ST8SIA2: variants seen among roughly 807,000 people sequenced by gnomAD.
ST8SIA2 encodes alpha-2,8-sialyltransferase 8B.
ST8SIA2 carries 22 observed loss-of-function variants against 37.6 expected under a neutral mutation model. That is an observed-to-expected ratio of 0.58 (90% CI 0.42 to 0.83). The LOEUF (loss-of-function observed/expected upper bound fraction) is 0.83. Among genes scored for constraint, ST8SIA2 ranks in the 40% least tolerant of loss-of-function variants. The pLI is 0.00. For synonymous variants in ST8SIA2, 205 were observed against 201.2 expected, an observed-to-expected ratio of 1.02 and a Z score of -0.16; for missense variants, 382 against 484.7, an observed-to-expected ratio of 0.79 and a Z score of 1.99.
chr15:92,445,985 T>C (rs1213388085), intron 5 of ST8SIA2, among the ~76,000 whole-genome samples: 1 of 152,160 alleles, frequency 6.6e-6, no homozygotes, highest in Admixed American at 6.5e-5. Flanking sequence ...AAAAATAGTT[T>C]AATATTAATC....
intron 5 of ST8SIA2, among the ~76,000 whole-genome samples, chr15:92,446,850 A>G (rs2049846329): frequency 2.6e-5 from 4 of 152,136 alleles, no homozygotes. Flanking sequence ...TTCAACCAAG[A>G]GACAAATGTG....
rs143851870 is a variant in ST8SIA2 at position 92,443,421 on chromosome 15, G to A, written c.549-1215G>A. 5.3e-4 allele frequency among the ~76,000 whole-genome samples: 80 copies of A among 152,320 alleles called. No individual in the cohort carries two copies. In the East Asian group the frequency reaches 0.014, roughly 28 times the overall value. On this transcript the variant is annotated intron_variant, in intron 4 of 5. Transcript: ENST00000268164. ...TTAAATAGCAGAGGCTGCTCACCCAGGCAGCCTGATTGTCAGCATGAGTTT... is the reference window on the plus strand; with the variant it reads ...TTAAATAGCAGAGGCTGCTCACCCAAGCAGCCTGATTGTCAGCATGAGTTT...
At chr15:92,450,757 T>C (rs1391224341) in intron 5 of ST8SIA2, among the ~76,000 whole-genome samples, 1 of 152,184 alleles carries the variant, frequency 6.6e-6, no homozygotes, top group Non-Finnish European at 1.5e-5. Flanking sequence ...GGTTACAAAA[T>C]TCAACATGAG....
chr15:92,436,948 T>C (rs2049763173), intron 3 of ST8SIA2, among the ~76,000 whole-genome samples: 1 of 152,180 alleles, frequency 6.6e-6, no homozygotes, highest in East Asian at 1.9e-4. Flanking sequence ...AGAATCAAGA[T>C]TTCTCACATG....
At chr15:92,458,560 C>T (rs1803357549) in intron 5 of ST8SIA2, among the ~76,000 whole-genome samples, 1 of 152,216 alleles carries the variant, frequency 6.6e-6, no homozygotes, top group Admixed American at 6.5e-5. Context: ...TTCTGGAAAG[C>T]ATCCCTTCCG....
Position 92,444,786 on chromosome 15 carries a change from C to T in ST8SIA2, c.699C>T (p.Leu233=), listed in dbSNP as rs1234293564. ...REKLLQRLHS[L]NGSILWIPAF... is the part of the protein sequence containing the mutation. ...AGCTGCTGCAACGGCTGCACAGCCT[C>T]AATGGCAGCATCCTGTGGATCCCTG... Residue 233 remains leucine (L), a synonymous_variant, in exon 5 of 6, where the codon CTC becomes CTT. Transcript: ENST00000268164. 2 of 1,614,020 alleles carry T rather than the reference C, an allele frequency of 1.2e-6. No homozygotes were observed. The highest frequency in any genetic ancestry group is 2.2e-5 in the South Asian group (2 of 91,090).
At chr15:92,425,995 T>C (rs1178250398) in intron 1 of ST8SIA2, among the ~76,000 whole-genome samples, 3 of 150,264 alleles carry the variant, frequency 2.0e-5, no homozygotes, top group East Asian at 2.1e-4. Context: ...TGTCAAAGCA[T>C]TGGAATACAG....
At chr15:92,411,636 T>C (rs931114514) in intron 1 of ST8SIA2, among the ~76,000 whole-genome samples, 1 of 152,132 alleles carries the variant, frequency 6.6e-6, no homozygotes, top group African/African-American at 2.4e-5. Flanking sequence ...AACTAGGGGA[T>C]AAGAGGGCAG....
intron 4 of ST8SIA2, among the ~76,000 whole-genome samples, chr15:92,440,595 C>G (rs1433228626): frequency 6.6e-6 from 1 of 152,164 alleles, no homozygotes; most frequent in Non-Finnish European, 1.5e-5. Context: ...CTCTGAAACT[C>G]CCACGTGTCT....
At chr15:92,412,350 G>A (rs1204650060) in intron 1 of ST8SIA2, among the ~76,000 whole-genome samples, 1 of 152,072 alleles carries the variant, frequency 6.6e-6, no homozygotes, top group African/African-American at 2.4e-5. Flanking sequence ...AGGTGGGGAG[G>A]GGAAGAGGAG....
chr15:92,450,882 G>A lies in ST8SIA2; in HGVS notation c.842+5953G>A, dbSNP rs149597625. The stretch of plus-strand genomic sequence containing the variant: ...ACAGAAAATAACAAGTGTTGGTGAG[G>A]ATGTGGAGAAATAGGAACCCTTCTG... On this transcript the variant is annotated intron_variant, in intron 5 of 5. Transcript: ENST00000268164. Among the ~76,000 whole-genome samples the A allele has an allele frequency of 4.0e-3, 616 of 152,268 alleles. 4 individuals carry two copies. The highest frequency in any genetic ancestry group is 0.014 in the African/African-American group (584 of 41,554).
rs562686259 is a variant in ST8SIA2 at position 92,444,437 on chromosome 15, G to A, written c.549-199G>A. ...GGGTCTAGCAAAGTTCTAGGTACAC[G>A]ATATGAGCTCAGTAAACCTTTGTGG... is the stretch of plus-strand genomic sequence containing the variant. On this transcript the variant is annotated intron_variant, in intron 4 of 5. Coordinates refer to ENST00000268164, the MANE Select transcript of ST8SIA2 (RefSeq NM_006011.4). Among the ~76,000 whole-genome samples the A allele has an allele frequency of 9.8e-5, 15 of 152,298 alleles. No homozygotes were observed. In the East Asian group the frequency reaches 2.5e-3, roughly 25 times the overall value.
At chr15:92,402,998 A>AGGAGGGAGGGAGTGAGTGAC (rs1229770656) in intron 1 of ST8SIA2, among the ~76,000 whole-genome samples, 3 of 152,126 alleles carry the variant, frequency 2.0e-5, no homozygotes, top group African/African-American at 4.8e-5. Context: ...AAGGAAGGGA[A>AGGAGGGAGGGAGTGAGTGAC]GGAGGGAGGG....
chr15:92,413,330 T>C (rs1326695155), intron 1 of ST8SIA2, among the ~76,000 whole-genome samples: 4 of 152,180 alleles, frequency 2.6e-5, no homozygotes, highest in Non-Finnish European at 2.9e-5. Context: ...TGTTGATATG[T>C]TTTCATTACC....
chr15:92,441,793 ACT>A (rs888892991), intron 4 of ST8SIA2, among the ~76,000 whole-genome samples: 16 of 152,122 alleles, frequency 1.1e-4, no homozygotes, highest in African/African-American at 3.6e-4. Flanking sequence ...TGTATGGAGC[ACT>A]CTGTTTTTAT....
In ST8SIA2 at chr15:92,443,416, A is replaced by G. The variant is rs552983561; in HGVS notation, c.549-1220A>G. ...TCAGGTTAAATAGCAGAGGCTGCTC[A>G]CCCAGGCAGCCTGATTGTCAGCATG... On this transcript the variant is annotated intron_variant, in intron 4 of 5. Coordinates refer to ENST00000268164, the MANE Select transcript of ST8SIA2 (RefSeq NM_006011.4). Among the ~76,000 whole-genome samples, 351 of 152,292 alleles carry G rather than the reference A, an allele frequency of 2.3e-3. 4 individuals are homozygous for G. The highest frequency in any genetic ancestry group is 8.1e-3 in the African/African-American group (335 of 41,562).
At chr15:92,399,190 A>T (rs1596226800) in intron 1 of ST8SIA2, among the ~76,000 whole-genome samples, 1 of 152,226 alleles carries the variant, frequency 6.6e-6, no homozygotes. Flanking sequence ...GATGTCAATC[A>T]AAAGGGCCTG....
At chr15:92,427,773 C>T (rs1288530807) in intron 1 of ST8SIA2, among the ~76,000 whole-genome samples, 5 of 152,100 alleles carry the variant, frequency 3.3e-5, no homozygotes, top group Non-Finnish European at 4.4e-5. Flanking sequence ...CACCTGAAGC[C>T]GAGAGTTTGA....
At position 92,395,267 on chromosome 15, in the gene ST8SIA2, C is replaced by T. The variant is rs112819022; in HGVS notation, c.98+1105C>T. Among the ~76,000 whole-genome samples, 454 of 152,364 alleles carry T rather than the reference C, an allele frequency of 3.0e-3. 5 individuals carry two copies. The highest frequency in any genetic ancestry group is 9.5e-3 in the African/African-American group (397 of 41,588). ...TGGGATTTGTGCTCTGCCAGGCGCT[C>T]TTCTCGAGTCCCGCGCCGCGTGCGC... On this transcript the variant is annotated intron_variant, in intron 1 of 5. Transcript: ENST00000268164.
Sources: gnomAD v4.1 joint callset for allele counts (sites outside exome capture counted in the v4.1 genomes callset) on GRCh38, gnomAD v4.1.1 for gene constraint, MANE v1.5 for transcripts, NCBI Gene and HGNC (gene_info 2026-07-23, HGNC 2026-07-21) for gene names.